NUFIP1: variants seen among roughly 807,000 people sequenced by gnomAD.
The protein encoded by NUFIP1 is FMR1-interacting protein NUFIP1.
NUFIP1 carries 38 observed loss-of-function variants against 56.2 expected under a neutral mutation model. The observed-to-expected ratio is 0.68, with a 90% CI of 0.52 to 0.89. The LOEUF (loss-of-function observed/expected upper bound fraction) is 0.89, where lower values mean the gene tolerates loss of function less well. Ranked by LOEUF, NUFIP1 falls within the 40% of genes least tolerant of loss-of-function variation. The pLI is 0.00. For synonymous variants in NUFIP1, 215 were observed against 212.4 expected (o/e 1.01, Z -0.10); for missense variants, 567 against 605.8 (o/e 0.94, Z 0.67).
At chr13:44,946,102 A>G (rs1413365486) in intron 8 of NUFIP1, among the ~76,000 whole-genome samples, 2 of 152,044 alleles carry the variant, frequency 1.3e-5, no homozygotes, top group African/African-American at 2.4e-5. Context: ...CCAGGACACT[A>G]TTTTCTATTA....
chr13:44,956,663 AAT>A, intron 7 of NUFIP1, among the ~76,000 whole-genome samples: 1 of 152,278 alleles, frequency 6.6e-6, no homozygotes, highest in Admixed American at 6.5e-5. Flanking sequence ...CACAGTTCAC[AAT>A]AGGGTTCACG....
chr13:44,972,360 A>G (rs1409477188), intron 5 of NUFIP1, among the ~76,000 whole-genome samples: 1 of 152,244 alleles, frequency 6.6e-6, no homozygotes, highest in East Asian at 1.9e-4. Flanking sequence ...AACAACATGG[A>G]TAACTTTCAA....
chr13:44,941,344 G>T, intron 9 of NUFIP1, 22 bp from the exon 10 acceptor site: 2 of 1,393,604 alleles, frequency 1.4e-6, no homozygotes, highest in Non-Finnish European at 1.0e-6. Flanking sequence ...TTTAAAAAAA[G>T]ATGAGGTAGT....
chr13:44,985,208 A>T (rs1258890138), intron 1 of NUFIP1, among the ~76,000 whole-genome samples: 1 of 152,232 alleles, frequency 6.6e-6, no homozygotes, highest in Non-Finnish European at 1.5e-5. Flanking sequence ...AGCCTATTCA[A>T]TATCTCTACC....
intron 5 of NUFIP1, among the ~76,000 whole-genome samples, chr13:44,966,552 T>C (rs1035991610): frequency 1.3e-5 from 2 of 151,946 alleles, no homozygotes; most frequent in African/African-American, 2.4e-5. Flanking sequence ...TGACCTCAGG[T>C]GACCCACCTG....
At chr13:44,946,714 C>T (rs1593356926) in intron 8 of NUFIP1, among the ~76,000 whole-genome samples, 2 of 152,256 alleles carry the variant, frequency 1.3e-5, no homozygotes, top group East Asian at 3.9e-4. Flanking sequence ...ATTATGAAGA[C>T]ACAATTGTTA....
At position 44,989,130 on chromosome 13, in the gene NUFIP1, G is replaced by T; in HGVS notation, c.307C>A (p.Pro103Thr). 1 of 1,614,168 alleles carries T rather than the reference G, an allele frequency of 6.2e-7. No homozygotes were observed. Among genetic ancestry groups the T allele is most frequent in the Non-Finnish European group, 8.5e-7 (1 of 1,180,014 alleles). Reference sequence around the variant, plus strand: ...TTCCAAGGCTGGCCGCTGGGTTGAGGCTGAGAATCAAGGGGAGACTGGGCG... The same window carrying T: ...TTCCAAGGCTGGCCGCTGGGTTGAGTCTGAGAATCAAGGGGAGACTGGGCG... ...FDAQSPLDSQ[P>T]QPSGQPWNFH... Residue 103 changes from proline to threonine, a missense_variant, in exon 1 of 10, where the codon CCT becomes ACT. Physicochemically the swap from Pro to Thr is conservative, Grantham distance 38. Coordinates refer to ENST00000379161, the MANE Select transcript of NUFIP1 (RefSeq NM_012345.3).
intron 1 of NUFIP1, among the ~76,000 whole-genome samples, chr13:44,986,468 G>A (rs946642367): frequency 6.6e-6 from 1 of 152,094 alleles, no homozygotes; most frequent in Non-Finnish European, 1.5e-5. Flanking sequence ...GAGGTGGGTG[G>A]ATCACGAGGT....
At chr13:44,977,923 C>A (rs1438195567) in intron 5 of NUFIP1, among the ~76,000 whole-genome samples, 4 of 152,220 alleles carry the variant, frequency 2.6e-5, no homozygotes, top group African/African-American at 9.6e-5. Context: ...GGGGTGCACG[C>A]CTGTTATCCC....
At chr13:44,976,690 T>C (rs1871992604) in intron 5 of NUFIP1, among the ~76,000 whole-genome samples, 1 of 152,206 alleles carries the variant, frequency 6.6e-6, no homozygotes, top group Non-Finnish European at 1.5e-5. Flanking sequence ...TCTCAGTCCA[T>C]TTTATGTTGC....
chr13:44,963,141 T>TG (rs753633106), intron 6 of NUFIP1, among the ~76,000 whole-genome samples: 3 of 152,136 alleles, frequency 2.0e-5, no homozygotes, highest in African/African-American at 7.2e-5. Context: ...TAATTGGATT[T>TG]GGGGGAGAAT....
rs944335113 is a variant in NUFIP1 at position 44,943,374 on chromosome 13, A to C, written c.1371+68T>G. ...CAAACACACACACACACACACACAC[A>C]CACCCCAGTGGCTCTATCTTTATGA... On this transcript the variant is annotated intron_variant, in intron 9 of 9. Coordinates refer to ENST00000379161, the MANE Select transcript of NUFIP1 (RefSeq NM_012345.3). 6.3e-5 allele frequency: 83 copies of C among 1,308,636 alleles called. No homozygotes were observed. The Admixed American group carries it at 1.4e-3, about 21-fold the overall frequency. 81.1% of individuals were successfully genotyped at this position (1,308,636 alleles called of 1,614,324 possible).
intron 5 of NUFIP1, among the ~76,000 whole-genome samples, chr13:44,978,648 T>C (rs1472663829): frequency 2.0e-5 from 3 of 152,318 alleles, no homozygotes; most frequent in South Asian, 2.1e-4. Flanking sequence ...CCTGATCTTC[T>C]CATTGTTAAG....
At chr13:44,960,785 G>T (rs955581482) in intron 6 of NUFIP1, among the ~76,000 whole-genome samples, 1 of 152,032 alleles carries the variant, frequency 6.6e-6, no homozygotes, top group Admixed American at 6.5e-5. Context: ...AGTATTGGCC[G>T]GGCGCGGTGG....
At chr13:44,966,138 C>T (rs1399595715) in intron 5 of NUFIP1, among the ~76,000 whole-genome samples, 1 of 152,148 alleles carries the variant, frequency 6.6e-6, no homozygotes, top group Non-Finnish European at 1.5e-5. Context: ...TGCTAATCCA[C>T]AAACTTTGCT....
At chr13:44,953,384 A>G (rs1871138271) in intron 7 of NUFIP1, among the ~76,000 whole-genome samples, 1 of 152,128 alleles carries the variant, frequency 6.6e-6, no homozygotes, top group Non-Finnish European at 1.5e-5. Context: ...CAAAACAATT[A>G]TTACTGTGGT....
chr13:44,959,673 A>G, intron 6 of NUFIP1, 99 bp from the exon 7 acceptor site: 1 of 929,510 alleles, frequency 1.1e-6, no homozygotes, highest in South Asian at 1.6e-5. Context: ...TAGCTGTAAA[A>G]CTGATCACTT....
At chr13:44,958,217 T>C (rs141482840) in intron 7 of NUFIP1, among the ~76,000 whole-genome samples, 1 of 152,210 alleles carries the variant, frequency 6.6e-6, no homozygotes, top group African/African-American at 2.4e-5. Context: ...CTGCCACTAA[T>C]GAGCAGAATG....
At chr13:44,979,983 T>C in intron 3 of NUFIP1, 31 bp from the exon 4 acceptor site, 1 of 1,517,238 alleles carries the variant, frequency 6.6e-7, no homozygotes, top group Non-Finnish European at 9.0e-7. Context: ...AAAAAAACTA[T>C]TTAACAAATG....
Sources: allele counts gnomAD v4.1 joint callset (sites outside exome capture counted in the v4.1 genomes callset), GRCh38; gene constraint gnomAD v4.1.1; transcripts MANE v1.5; gene names NCBI Gene and HGNC (gene_info 2026-07-23, HGNC 2026-07-21).